Variants in CDYL observed in about 807,000 individuals in gnomAD.
CDYL encodes chromodomain Y-like protein.
Under a neutral mutation model 47.3 loss-of-function variants are expected in CDYL, and 8 were observed. That is an observed-to-expected ratio of 0.17 (90% CI 0.10 to 0.31). The LOEUF is 0.31. Ranked by LOEUF, CDYL falls within the 10% of genes least tolerant of loss-of-function variation. The pLI is 1.00. For synonymous variants in CDYL, 266 were observed against 265.0 expected, an observed-to-expected ratio of 1.00 and a Z score of -0.04; for missense variants, 471 against 701.4, an observed-to-expected ratio of 0.67 and a Z score of 3.71.
At chr6:4,791,883 ATTTT>A (rs35580568) in intron 1 of CDYL, among the ~76,000 whole-genome samples, 3 of 139,914 alleles carry the variant, frequency 2.1e-5, no homozygotes, top group Admixed American at 7.2e-5. Flanking sequence ...GAATTGTAGA[ATTTT>A]TTTTTTTTTT....
rs1482777864 is a variant in CDYL at position 4,891,970 on chromosome 6, C to T, written c.282C>T (p.Thr94=). The T allele has an allele frequency of 6.2e-7, 1 of 1,614,186 alleles. No homozygotes were observed. Among genetic ancestry groups the T allele is most frequent in the Admixed American group, 1.7e-5 (1 of 60,028 alleles). The change falls in exon 2 of 7, where the codon ACC becomes ACT. Residue 94 remains threonine (T), a synonymous_variant. Coordinates refer to ENST00000397588, the MANE Select transcript of CDYL (RefSeq NM_004824.4). The stretch of plus-strand genomic sequence containing the variant: ...CCACCAACAGCAACTTTTCTAAGAC[C>T]TCTCCTAAGGCACTCGTGATTGGGA... ...SRSTNSNFSK[T]SPKALVIGKD...
chr6:4,763,057 C>A (rs1235713673), intron 3 of CDYL, among the ~76,000 whole-genome samples: 1 of 152,044 alleles, frequency 6.6e-6, no homozygotes, highest in Non-Finnish European at 1.5e-5. Context: ...GATAGATTAC[C>A]TTCAAAGGAG....
intron 3 of CDYL, among the ~76,000 whole-genome samples, chr6:4,750,635 A>G (rs965168549): frequency 3.9e-5 from 6 of 152,258 alleles, no homozygotes; most frequent in African/African-American, 9.6e-5. Flanking sequence ...CCACTGCACA[A>G]CGACAACAAT....
intron 3 of CDYL, among the ~76,000 whole-genome samples, chr6:4,763,654 T>A (rs1400771842): frequency 6.6e-6 from 1 of 152,184 alleles, no homozygotes; most frequent in Non-Finnish European, 1.5e-5. Context: ...GAATAATTTT[T>A]TTGTAGGGCC....
chr6:4,766,902 C>T (rs1315760608), intron 3 of CDYL, among the ~76,000 whole-genome samples: 1 of 151,882 alleles, frequency 6.6e-6, no homozygotes, highest in Non-Finnish European at 1.5e-5. Flanking sequence ...TTGGGGGGAG[C>T]TGATGTGGGA....
At chr6:4,914,390 T>C (rs1757498408) in intron 2 of CDYL, among the ~76,000 whole-genome samples, 1 of 152,094 alleles carries the variant, frequency 6.6e-6, no homozygotes, top group Non-Finnish European at 1.5e-5. Context: ...ACTTTCTCAT[T>C]AGCGAACTGC....
intron 2 of CDYL, among the ~76,000 whole-genome samples, chr6:4,895,506 CGTATATAT>C (rs1205853978): frequency 7.1e-6 from 1 of 141,178 alleles, no homozygotes; most frequent in African/African-American, 2.8e-5. Flanking sequence ...TACATATATA[CGTATATAT>C]GTATATATAC....
intron 2 of CDYL, among the ~76,000 whole-genome samples, chr6:4,928,954 A>T (rs1032667091): frequency 2.6e-5 from 4 of 152,158 alleles, no homozygotes; most frequent in African/African-American, 7.2e-5. Context: ...AGCAGTTACT[A>T]CTGTCTACAT....
intron 1 of CDYL, among the ~76,000 whole-genome samples, chr6:4,840,851 T>C (rs1035073488): frequency 6.6e-6 from 1 of 152,080 alleles, no homozygotes; most frequent in Admixed American, 6.5e-5. Flanking sequence ...TTTGTTTTGT[T>C]ATGTTTTTGT....
intron 3 of CDYL, among the ~76,000 whole-genome samples, chr6:4,763,529 A>G (rs1758207398): frequency 6.6e-6 from 1 of 152,238 alleles, no homozygotes; most frequent in Non-Finnish European, 1.5e-5. Flanking sequence ...GGAAAAAAAT[A>G]AAAGTATTGG....
chr6:4,780,905 G>T (rs527417917), intron 1 of CDYL, among the ~76,000 whole-genome samples: 1 of 152,164 alleles, frequency 6.6e-6, no homozygotes, highest in South Asian at 2.1e-4. Context: ...CTTTGTTCAC[G>T]TGGGACTGAA....
chr6:4,714,034 TATC>T (rs1341637450), intron 1 of CDYL: 1 of 152,220 alleles, frequency 6.6e-6, no homozygotes, highest in Non-Finnish European at 1.5e-5. Flanking sequence ...GTAGATGTGA[TATC>T]ATCTCATGCT....
intron 1 of CDYL, chr6:4,715,035 C>T (rs1340428378): frequency 1.3e-5 from 2 of 152,214 alleles, no homozygotes; most frequent in Admixed American, 6.5e-5. Flanking sequence ...AAGGTATAGA[C>T]TTTCCAGCAC....
chr6:4,716,352 T>G (rs1209994558), intron 2 of CDYL, among the ~76,000 whole-genome samples: 1 of 152,212 alleles, frequency 6.6e-6, no homozygotes, highest in African/African-American at 2.4e-5. Context: ...ACGCCTTCTC[T>G]CTCGCAAGCT....
chr6:4,841,194 T>A (rs1051711243), intron 1 of CDYL, among the ~76,000 whole-genome samples: 3 of 152,198 alleles, frequency 2.0e-5, no homozygotes, highest in African/African-American at 7.2e-5. Flanking sequence ...TTAGTTTATG[T>A]GCATAAAGGT....
Position 4,776,585 on chromosome 6 carries a change from GCTC to G in CDYL, c.-196_-194del, listed in dbSNP as rs1758457063. The G allele has an allele frequency of 4.2e-6, 1 of 238,018 alleles. No individual in the cohort carries two copies. Among genetic ancestry groups the G allele is most frequent in the South Asian group, 1.4e-4 (1 of 7,364 alleles). The allele number at this position is 238,018 out of a possible 1,614,324, so 14.7% of individuals were successfully genotyped here. A position where few individuals can be genotyped will look rare whatever the true frequency, so the allele number is the denominator to read the frequency against. On this transcript the variant is annotated 5_prime_UTR_variant, in exon 1 of 7. Transcript: ENST00000397588. ...GGCGCCCAGGGCGCGTTGCGTAGCT[GCTC>G]CTGCGCACAACCCCGCCGCGCCGCC...
intron 2 of CDYL, among the ~76,000 whole-genome samples, chr6:4,918,419 T>C (rs1757617675): frequency 6.6e-6 from 1 of 150,736 alleles, no homozygotes; most frequent in African/African-American, 2.4e-5. Context: ...AACATAAAGG[T>C]TGTTGCTTTT....
At chr6:4,778,199 C>T (rs1758521508) in intron 1 of CDYL, among the ~76,000 whole-genome samples, 1 of 152,062 alleles carries the variant, frequency 6.6e-6, no homozygotes, top group South Asian at 2.1e-4. Flanking sequence ...GGGGGAAGTA[C>T]ATAGCATGAG....
intron 2 of CDYL, among the ~76,000 whole-genome samples, chr6:4,925,409 C>CTTTTTTTTTTTTTTTTT (rs58457972): frequency 9.2e-6 from 1 of 109,246 alleles, no homozygotes; most frequent in Non-Finnish European, 1.7e-5. Flanking sequence ...ATTCTTTTTT[C>CTTTTTTTTTTTTTTTTT]TTTTTTTTTT....
Sources: allele counts gnomAD v4.1 joint callset (sites outside exome capture counted in the v4.1 genomes callset), GRCh38; gene constraint gnomAD v4.1.1; transcripts MANE v1.5; gene names NCBI Gene and HGNC (gene_info 2026-07-23, HGNC 2026-07-21).